Variants in CDKN2B-AS1 observed in about 807,000 individuals in gnomAD.
The protein encoded by CDKN2B-AS1 is CDKN2B and CDKN2A antisense cis and trans regulatory RNA 1, also known as CDKN2B antisense RNA 1 (non-protein coding).
At chr9:22,104,640 T>A (rs549115837) in intron 4 of CDKN2B-AS1, among the ~76,000 whole-genome samples, 3 of 152,358 alleles carry the variant, frequency 2.0e-5, no homozygotes, top group Admixed American at 2.0e-4. Context: ...TTACCTACTC[T>A]TTCATTCATT....
intron 1 of CDKN2B-AS1, among the ~76,000 whole-genome samples, chr9:22,036,682 C>G (rs893472830): frequency 1.3e-5 from 2 of 152,030 alleles, no homozygotes; most frequent in African/African-American, 4.8e-5. Context: ...AGTCATCTGT[C>G]CATTTAACAG....
At chr9:22,126,610 C>CTCTG (rs1238086794) in intron 4 of CDKN2B-AS1, among the ~76,000 whole-genome samples, 4 of 132,690 alleles carry the variant, frequency 3.0e-5, no homozygotes, top group Admixed American at 8.2e-5. Flanking sequence ...CGGAGTCTCG[C>CTCTG]TCGCCCAGGC....
intron 1 of CDKN2B-AS1, chr9:22,009,135 G>T: frequency 1.2e-6 from 1 of 821,650 alleles, no homozygotes; most frequent in Non-Finnish European, 1.9e-6. Context: ...GTGGCCGAGC[G>T]GCCGGTCGTT....
In CDKN2B-AS1 at chr9:22,005,505, C is replaced by T; in HGVS notation, n.29+10344C>T. On this transcript the variant is annotated intron_variant and non_coding_transcript_variant, in intron 1 of 4. Transcript: ENST00000650946. This position sits in a 1 kb window ranked among gnomAD's most constrained non-coding sequence, Gnocchi z 4.9. Reference sequence around the variant, plus strand: ...GTCCTCAGTCTTCAGGTTTTCCTTTCTGCCGCTAGGGCCTAAGTTGTGGGT... The same window carrying T: ...GTCCTCAGTCTTCAGGTTTTCCTTTTTGCCGCTAGGGCCTAAGTTGTGGGT... The T allele has an allele frequency of 3.6e-6, 1 of 274,274 alleles. No individual in the cohort carries two copies. The highest frequency in any genetic ancestry group is 5.3e-5 in the East Asian group (1 of 18,932). The allele number at this position is 274,274 out of a possible 1,614,324, so 17.0% of individuals were successfully genotyped here.
intron 1 of CDKN2B-AS1, among the ~76,000 whole-genome samples, chr9:22,017,948 T>C (rs755601962): frequency 2.0e-5 from 3 of 152,228 alleles, no homozygotes; most frequent in Non-Finnish European, 2.9e-5. Flanking sequence ...TTAATGGATC[T>C]AGTGTTAATG....
At chr9:22,050,198 C>G (rs1309145758) in intron 3 of CDKN2B-AS1, among the ~76,000 whole-genome samples, 6 of 152,188 alleles carry the variant, frequency 3.9e-5, no homozygotes, top group Non-Finnish European at 7.3e-5. Context: ...TAGCACTTAG[C>G]TCATCTGTTC....
intron 1 of CDKN2B-AS1, chr9:22,029,848 T>C: frequency 5.0e-6 from 1 of 198,866 alleles, no homozygotes; most frequent in Non-Finnish European, 1.0e-5. Context: ...AAAATGTGTT[T>C]TCTATTACAA....
chr9:22,055,498 C>A (rs1823522211), intron 3 of CDKN2B-AS1, among the ~76,000 whole-genome samples: 1 of 152,216 alleles, frequency 6.6e-6, no homozygotes, highest in Non-Finnish European at 1.5e-5. Flanking sequence ...AGGACATACT[C>A]AGCCAAGGCA....
intron 1 of CDKN2B-AS1, among the ~76,000 whole-genome samples, chr9:22,022,706 G>A (rs946216515): frequency 6.6e-6 from 1 of 152,036 alleles, no homozygotes; most frequent in Non-Finnish European, 1.5e-5. Context: ...TGTTTTTGTG[G>A]TTGCTTTATA....
At chr9:22,082,819 A>G (rs1158992966) in intron 4 of CDKN2B-AS1, among the ~76,000 whole-genome samples, 1 of 152,200 alleles carries the variant, frequency 6.6e-6, no homozygotes, top group Non-Finnish European at 1.5e-5. Flanking sequence ...GATAAACCAA[A>G]TTAGACTATT....
intron 4 of CDKN2B-AS1, among the ~76,000 whole-genome samples, chr9:22,079,602 G>T (rs995290200): frequency 2.1e-4 from 32 of 152,048 alleles, no homozygotes; most frequent in African/African-American, 7.7e-4. Context: ...AAAGTGAATT[G>T]AGGCTTATCG....
At position 21,995,771 on chromosome 9, in the gene CDKN2B-AS1, C is replaced by T. The variant is rs1030559405; in HGVS notation, n.29+610C>T. 9.1e-4 allele frequency: 139 copies of T among 152,386 alleles called. No individual in the cohort carries two copies. Among genetic ancestry groups the T allele is most frequent in the African/African-American group, 3.2e-3 (133 of 41,590 alleles). 9.4% of individuals were successfully genotyped at this position (152,386 alleles called of 1,614,324 possible). On this transcript the variant is annotated intron_variant and non_coding_transcript_variant, in intron 1 of 4. Transcript: ENST00000650946. The surrounding 1 kb of genome is among the most constrained non-coding windows in gnomAD (Gnocchi z 5.7). ...GAGGCTCGGCTCTCGTCCAGGAACT[C>T]GGACGCGGGCTCGCCGGCTCTCCGC... is the stretch of plus-strand genomic sequence containing the variant.
intron 1 of CDKN2B-AS1, among the ~76,000 whole-genome samples, chr9:22,036,243 CA>C (rs1475535638): frequency 6.6e-6 from 1 of 151,918 alleles, no homozygotes; most frequent in Admixed American, 6.6e-5. Flanking sequence ...ATGCTGTAAA[CA>C]TGAAGATAAT....
chr9:22,048,553 C>T (rs749657350), intron 2 of CDKN2B-AS1, among the ~76,000 whole-genome samples: 11 of 152,118 alleles, frequency 7.2e-5, no homozygotes, highest in Non-Finnish European at 1.5e-4. Context: ...AGTCATAGTT[C>T]ATTCTCAGGT....
intron 4 of CDKN2B-AS1, among the ~76,000 whole-genome samples, chr9:22,123,293 C>T (rs1826136176): frequency 6.6e-6 from 1 of 152,142 alleles, no homozygotes; most frequent in Non-Finnish European, 1.5e-5. Context: ...ATGTCATCTG[C>T]AAACAGGAAC....
At position 22,039,637 on chromosome 9, in the gene CDKN2B-AS1, T is replaced by TA. The variant is rs1295413600; in HGVS notation, n.30-7113dup. On this transcript the variant is annotated intron_variant and non_coding_transcript_variant, in intron 1 of 4. Transcript: ENST00000650946. The surrounding 1 kb of genome is among the most constrained non-coding windows in gnomAD (Gnocchi z 4.4). Reference sequence around the variant, plus strand: ...ATAGTAGTTATTTGGATAATTTATATAGTCTCTTAAAAAAACAGATTATAG... The same window carrying TA: ...ATAGTAGTTATTTGGATAATTTATATAAGTCTCTTAAAAAAACAGATTATAG... Among the ~76,000 whole-genome samples the TA allele has an allele frequency of 2.0e-5, 3 of 151,978 alleles. No individual in the cohort carries two copies. The highest frequency in any genetic ancestry group is 7.2e-5 in the African/African-American group (3 of 41,398).
intron 4 of CDKN2B-AS1, among the ~76,000 whole-genome samples, chr9:22,081,825 A>G (rs751761065): frequency 7.2e-5 from 11 of 152,242 alleles, no homozygotes; most frequent in Non-Finnish European, 1.5e-4. Flanking sequence ...CATGGCACCC[A>G]ATCCTTAATG....
intron 1 of CDKN2B-AS1, among the ~76,000 whole-genome samples, chr9:22,020,440 G>A (rs1446896313): frequency 6.6e-6 from 1 of 152,136 alleles, no homozygotes; most frequent in Non-Finnish European, 1.5e-5. Context: ...TTAGGTCTTT[G>A]AGGAATCATC....
intron 4 of CDKN2B-AS1, among the ~76,000 whole-genome samples, chr9:22,110,826 A>G (rs1288052995): frequency 6.6e-6 from 1 of 152,136 alleles, no homozygotes; most frequent in Non-Finnish European, 1.5e-5. Context: ...ATTTTGTGCC[A>G]AACATTAACT....
Sources: allele counts gnomAD v4.1 joint callset (sites outside exome capture counted in the v4.1 genomes callset), GRCh38; gene constraint gnomAD v4.1.1; non-coding constraint Gnocchi (gnomAD v3.1); transcripts MANE v1.5; gene names NCBI Gene and HGNC (gene_info 2026-07-23, HGNC 2026-07-21).